TTC3: variants seen among roughly 807,000 people sequenced by gnomAD.
TTC3 encodes the protein E3 ubiquitin-protein ligase TTC3.
Under a neutral mutation model 249.6 loss-of-function variants are expected in TTC3, and 180 were observed. That is an observed-to-expected ratio of 0.72 (90% confidence interval 0.64 to 0.82). The LOEUF (loss-of-function observed/expected upper bound fraction) is 0.82. Among genes scored for constraint, TTC3 ranks in the 40% least tolerant of loss-of-function variants. The pLI is 0.00. For missense variants in TTC3, 2,061 were observed against 2,398.4 expected (o/e 0.86, Z 2.94); for synonymous variants, 717 against 805.0 (o/e 0.89, Z 1.85).
At chr21:37,130,198 C>A (rs978725084) in intron 16 of TTC3, among the ~76,000 whole-genome samples, 1 of 151,892 alleles carries the variant, frequency 6.6e-6, no homozygotes, top group East Asian at 1.9e-4. Flanking sequence ...CATTTCTTTT[C>A]AAAAATGACC....
intron 30 of TTC3, 83 bp downstream of exon 30, chr21:37,160,941 T>TAA: frequency 1.5e-6 from 2 of 1,339,118 alleles, no homozygotes; most frequent in Non-Finnish European, 2.0e-6. Flanking sequence ...TGAGCAATTC[T>TAA]TGGGATATTT....
chr21:37,169,928 A>G (rs1009956552), intron 34 of TTC3, among the ~76,000 whole-genome samples: 5 of 152,132 alleles, frequency 3.3e-5, no homozygotes, highest in Admixed American at 1.3e-4. Flanking sequence ...ACATAGGAGA[A>G]ATGGATTGCC....
intron 41 of TTC3, among the ~76,000 whole-genome samples, chr21:37,193,231 C>A (rs1428343612): frequency 0.022 from 1 of 46 alleles, no homozygotes; most frequent in Admixed American, 0.25. Context: ...CCTGAAACCC[C>A]GTCAGGCGTG....
At chr21:37,138,582 A>C in intron 18 of TTC3, 52 bp from the exon 19 acceptor site, 1 of 1,304,720 alleles carries the variant, frequency 7.7e-7, no homozygotes, top group Non-Finnish European at 1.1e-6. Context: ...GACTGGATGC[A>C]AATTGGGCAG....
intron 27 of TTC3, among the ~76,000 whole-genome samples, chr21:37,153,753 G>C (rs935432989): frequency 6.6e-6 from 1 of 152,138 alleles, no homozygotes; most frequent in Admixed American, 6.5e-5. Flanking sequence ...AACACATCCT[G>C]GAGTCTGCCC....
intron 7 of TTC3, among the ~76,000 whole-genome samples, chr21:37,093,104 G>A (rs901260026): frequency 5.9e-5 from 9 of 152,056 alleles, no homozygotes; most frequent in Non-Finnish European, 4.4e-5. Flanking sequence ...CTCGCTGGGC[G>A]CGGTGGCTCA....
intron 28 of TTC3, chr21:37,157,161 A>G: frequency 1.4e-6 from 2 of 1,396,332 alleles, no homozygotes; most frequent in Non-Finnish European, 9.5e-7. Context: ...CCCGTCTTAG[A>G]TATTTTCACA....
intron 14 of TTC3, among the ~76,000 whole-genome samples, chr21:37,125,374 G>C (rs753216926): frequency 7.9e-5 from 12 of 152,152 alleles, no homozygotes; most frequent in Non-Finnish European, 1.5e-4. Context: ...AACCACTCCA[G>C]CTTAAGTGAT....
intron 15 of TTC3, 84 bp downstream of exon 15, chr21:37,126,227 G>A (rs2077036041): frequency 8.4e-7 from 1 of 1,184,870 alleles, no homozygotes; most frequent in Non-Finnish European, 1.2e-6. Flanking sequence ...CACAAGCCTT[G>A]CTTATATCCA....
At chr21:37,084,778 A>G (rs1020056340) in intron 1 of TTC3, among the ~76,000 whole-genome samples, 1 of 152,172 alleles carries the variant, frequency 6.6e-6, no homozygotes, top group African/African-American at 2.4e-5. Flanking sequence ...GCGGATCACA[A>G]GGTCAGGAGT....
intron 1 of TTC3, among the ~76,000 whole-genome samples, chr21:37,080,325 G>T (rs1377662263): frequency 6.7e-6 from 1 of 148,482 alleles, no homozygotes; most frequent in East Asian, 1.9e-4. Flanking sequence ...TTTAATTATC[G>T]ATTTCTTACT....
intron 15 of TTC3, among the ~76,000 whole-genome samples, chr21:37,126,458 C>T (rs2077050776): frequency 6.6e-6 from 1 of 152,048 alleles, no homozygotes; most frequent in Non-Finnish European, 1.5e-5. Flanking sequence ...TGCCTCCCTT[C>T]CTCCCACCTG....
intron 19 of TTC3, among the ~76,000 whole-genome samples, chr21:37,139,796 C>A (rs540641881): frequency 1.4e-5 from 2 of 141,082 alleles, no homozygotes; most frequent in East Asian, 4.6e-4. Context: ...TGTAAAATAG[C>A]GAGACTGATT....
Position 37,159,863 on chromosome 21 carries a change from A to T in TTC3, c.3039+118A>T, listed in dbSNP as rs2080526634. On this transcript the variant is annotated intron_variant, in intron 29 of 45. Transcript: ENST00000355666. The stretch of plus-strand genomic sequence containing the variant: ...AGCCAGCATTCAAGAACCACATTAA[A>T]AGGACGTCTGGGTAGTACGTACTAT... 4 of 933,652 alleles carry T rather than the reference A, an allele frequency of 4.3e-6. No homozygotes were observed. In the East Asian group the frequency reaches 9.8e-5, roughly 23 times the overall value. 57.8% of individuals were successfully genotyped at this position (933,652 alleles called of 1,614,324 possible). A position where few individuals can be genotyped will look rare whatever the true frequency, so the allele number is the denominator to read the frequency against.
chr21:37,158,306 T>C (rs1189215621), intron 28 of TTC3: 21 of 678,912 alleles, frequency 3.1e-5, no homozygotes, highest in African/African-American at 5.9e-5. Context: ...CAGCATACAC[T>C]CGTCCTTTAA....
At chr21:37,144,739 C>T in intron 21 of TTC3, 94 bp downstream of exon 21, 2 of 1,440,890 alleles carry the variant, frequency 1.4e-6, no homozygotes, top group South Asian at 1.4e-5. Context: ...AGGAGCATTC[C>T]ATCCCCACCT....
intron 21 of TTC3, among the ~76,000 whole-genome samples, chr21:37,146,524 A>G (rs958156657): frequency 6.6e-6 from 1 of 152,178 alleles, no homozygotes; most frequent in Non-Finnish European, 1.5e-5. Context: ...GTCTCAAAAA[A>G]AAAAAAGAGT....
At position 37,167,922 on chromosome 21, in the gene TTC3, C is replaced by T. The variant is rs541294767; in HGVS notation, c.4467+302C>T. On this transcript the variant is annotated intron_variant, in intron 34 of 45. Coordinates refer to ENST00000355666, the Ensembl canonical transcript of TTC3. The stretch of plus-strand genomic sequence containing the variant: ...TATTTTTGAGACACGGTCTCACTGT[C>T]ATCCAGGCTGGCCAGCTTTATTGTT... 1.5e-4 allele frequency among the ~76,000 whole-genome samples: 22 copies of T among 151,678 alleles called. No individual in the cohort carries two copies. In the East Asian group the frequency reaches 3.1e-3, roughly 21 times the overall value.
intron 41 of TTC3, among the ~76,000 whole-genome samples, chr21:37,194,239 G>A (rs762183972): frequency 2.6e-5 from 4 of 152,136 alleles, no homozygotes; most frequent in East Asian, 1.9e-4. Flanking sequence ...TCGGTTATCC[G>A]CAGTCAACCG....
Sources: allele counts gnomAD v4.1 joint callset (sites outside exome capture counted in the v4.1 genomes callset), GRCh38; gene constraint gnomAD v4.1.1; transcripts MANE v1.5; gene names NCBI Gene and HGNC (gene_info 2026-07-23, HGNC 2026-07-21).